CMTM8: variants seen among roughly 807,000 people sequenced by gnomAD.
CMTM8 encodes CKLF-like MARVEL transmembrane domain-containing protein 8.
CMTM8 carries 12 observed loss-of-function variants against 18.6 expected under a neutral mutation model. That is an observed-to-expected ratio of 0.65 (90% CI 0.41 to 1.05). The LOEUF is 1.05. Among genes scored for constraint, CMTM8 ranks in the 50% least tolerant of loss-of-function variants. The pLI is 0.00. For missense variants in CMTM8, 217 were observed against 227.2 expected (o/e 0.95, Z 0.29); for synonymous variants, 87 against 90.6 (o/e 0.96, Z 0.23).
At chr3:32,322,512 C>G (rs1696076031) in intron 1 of CMTM8, among the ~76,000 whole-genome samples, 1 of 152,206 alleles carries the variant, frequency 6.6e-6, no homozygotes, top group South Asian at 2.1e-4. Flanking sequence ...TGGCCTGCTT[C>G]TCATGCTGCC....
chr3:32,346,632 A>G (rs1205442253), intron 1 of CMTM8, among the ~76,000 whole-genome samples: 1 of 152,050 alleles, frequency 6.6e-6, no homozygotes. Flanking sequence ...CCCTTTTTAT[A>G]AGGGTACTAA....
chr3:32,290,537 G>A (rs1476588446), intron 1 of CMTM8, among the ~76,000 whole-genome samples: 1 of 152,244 alleles, frequency 6.6e-6, no homozygotes, highest in East Asian at 1.9e-4. Context: ...TCCAAGGCCA[G>A]CTTTGGAGGA....
chr3:32,259,941 T>A, intron 1 of CMTM8: 1 of 1,133,384 alleles, frequency 8.8e-7, no homozygotes, highest in Non-Finnish European at 1.3e-6. Flanking sequence ...ACCCTGCAGA[T>A]AGAGCAGCTC....
intron 1 of CMTM8, among the ~76,000 whole-genome samples, chr3:32,248,528 A>G (rs1575144610): frequency 6.6e-6 from 1 of 151,872 alleles, no homozygotes; most frequent in African/African-American, 2.4e-5. Flanking sequence ...CACCTGGCTA[A>G]TTTTTGTGTT....
chr3:32,283,762 G>A (rs1015732918), intron 1 of CMTM8, among the ~76,000 whole-genome samples: 1 of 152,160 alleles, frequency 6.6e-6, no homozygotes, highest in African/African-American at 2.4e-5. Context: ...GCCCCGAGGA[G>A]GAATAAGCAA....
At chr3:32,307,051 A>G (rs994765120) in intron 1 of CMTM8, among the ~76,000 whole-genome samples, 1 of 151,692 alleles carries the variant, frequency 6.6e-6, no homozygotes, top group African/African-American at 2.4e-5. Flanking sequence ...TACTAAAAAT[A>G]CAAAAATTAG....
At chr3:32,286,751 G>A (rs1362984840) in intron 1 of CMTM8, among the ~76,000 whole-genome samples, 5 of 152,136 alleles carry the variant, frequency 3.3e-5, no homozygotes, top group Non-Finnish European at 5.9e-5. Flanking sequence ...TAACACTAAC[G>A]GTAGCTGATG....
chr3:32,276,336 G>A (rs1033715774), intron 1 of CMTM8, among the ~76,000 whole-genome samples: 2 of 152,182 alleles, frequency 1.3e-5, no homozygotes, highest in African/African-American at 4.8e-5. Context: ...AGGGCAGTGG[G>A]CCTTATAAAC....
At chr3:32,288,480 A>G (rs2125554510) in intron 1 of CMTM8, among the ~76,000 whole-genome samples, 1 of 149,266 alleles carries the variant, frequency 6.7e-6, no homozygotes, top group South Asian at 2.2e-4. Flanking sequence ...TGGGGGTCTC[A>G]CTGTGTTGAG....
chr3:32,260,032 C>T (rs1176467778), intron 1 of CMTM8: 4 of 1,139,554 alleles, frequency 3.5e-6, no homozygotes, highest in Non-Finnish European at 3.9e-6. Context: ...AGTACAAGGC[C>T]CTGCTGAACA....
intron 1 of CMTM8, among the ~76,000 whole-genome samples, chr3:32,279,113 CATG>C (rs1459627505): frequency 6.6e-6 from 1 of 151,736 alleles, no homozygotes; most frequent in Non-Finnish European, 1.5e-5. Flanking sequence ...AGTTTCTCTG[CATG>C]ATGATGACAA....
chr3:32,340,813 G>A (rs1696477820), intron 1 of CMTM8, among the ~76,000 whole-genome samples: 1 of 152,214 alleles, frequency 6.6e-6, no homozygotes, highest in African/African-American at 2.4e-5. Flanking sequence ...ACTGAATTGT[G>A]TTTGTCTCTT....
At chr3:32,285,761 G>A (rs533117838) in intron 1 of CMTM8, among the ~76,000 whole-genome samples, 39 of 152,138 alleles carry the variant, frequency 2.6e-4, no homozygotes, top group Non-Finnish European at 3.5e-4. Context: ...TACCCCAGCT[G>A]AGAGGTGACT....
At chr3:32,242,454 C>G (rs180748274) in intron 1 of CMTM8, among the ~76,000 whole-genome samples, 70 of 152,094 alleles carry the variant, frequency 4.6e-4, no homozygotes, top group African/African-American at 1.6e-3. Context: ...CCCAAGCCAG[C>G]TGTGACCACA....
chr3:32,256,250 G>C (rs1413432056), intron 1 of CMTM8, among the ~76,000 whole-genome samples: 1 of 151,494 alleles, frequency 6.6e-6, no homozygotes, highest in Non-Finnish European at 1.5e-5. Flanking sequence ...TTTATTTTTT[G>C]TAGAGATAGG....
intron 1 of CMTM8, among the ~76,000 whole-genome samples, chr3:32,331,798 C>T (rs1378330570): frequency 6.6e-6 from 1 of 152,152 alleles, no homozygotes; most frequent in Non-Finnish European, 1.5e-5. Flanking sequence ...TCAAATACTG[C>T]ATGCTTTCAC....
intron 1 of CMTM8, among the ~76,000 whole-genome samples, chr3:32,329,206 C>T (rs1389283709): frequency 9.2e-5 from 14 of 152,174 alleles, no homozygotes; most frequent in Middle Eastern, 3.4e-3. Flanking sequence ...GCTGGGATTA[C>T]GGGTGCCCGC....
chr3:32,351,506 G>A (rs571231509), intron 1 of CMTM8, among the ~76,000 whole-genome samples: 4 of 152,172 alleles, frequency 2.6e-5, no homozygotes, highest in South Asian at 4.1e-4. Flanking sequence ...CCAGGAGTTC[G>A]AGACCAGCCT....
intron 1 of CMTM8, among the ~76,000 whole-genome samples, chr3:32,349,499 A>G (rs1696662753): frequency 1.3e-5 from 2 of 152,156 alleles, no homozygotes; most frequent in African/African-American, 4.8e-5. Flanking sequence ...GCCTCAATCC[A>G]GAGACTGTTT....
Sources: allele counts gnomAD v4.1 joint callset (sites outside exome capture counted in the v4.1 genomes callset), GRCh38; gene constraint gnomAD v4.1.1; transcripts MANE v1.5; gene names NCBI Gene and HGNC (gene_info 2026-07-23, HGNC 2026-07-21).